Variants in ZNF493 observed in about 807,000 individuals in gnomAD.
The protein encoded by ZNF493 is zinc finger protein 493.
In ZNF493, 11 loss-of-function variants were observed where a neutral mutation model predicts 12.2. The observed-to-expected ratio is 0.90, with a 90% confidence interval of 0.57 to 1.50. The LOEUF is 1.50. ZNF493 is among the 40% of genes most tolerant of loss of function. The probability of loss-of-function intolerance (pLI) is 0.00; values close to 1 mark genes in which losing one functional copy is unlikely to be tolerated. For synonymous variants in ZNF493, 286 were observed against 302.6 expected (o/e 0.95, Z 0.57); for missense variants, 950 against 906.6 (o/e 1.05, Z -0.61).
intron 3 of ZNF493, among the ~76,000 whole-genome samples, chr19:21,410,654 T>G (rs1362655073): frequency 1.3e-5 from 2 of 152,186 alleles, no homozygotes; most frequent in African/African-American, 4.8e-5. Context: ...TCAAGTATAG[T>G]GTAGTTACAT....
At chr19:21,400,811 T>C (rs2029916415) in intron 1 of ZNF493, among the ~76,000 whole-genome samples, 1 of 152,236 alleles carries the variant, frequency 6.6e-6, no homozygotes. Flanking sequence ...TTTAGTATCC[T>C]GAAACTTTGC....
rs558026667 is a variant in ZNF493, at chr19:21,397,629, G to A, written c.30+362G>A. ...TCATGAATGGGAAGAGCTTTGGTCC[G>A]TGGGGTTCCCAGTTGCTATTTTCTC... On this transcript the variant is annotated intron_variant, in intron 1 of 3. Coordinates refer to ENST00000392288, the MANE Select transcript of ZNF493 (RefSeq NM_001076678.3). 3.5e-4 allele frequency: 171 copies of A among 486,084 alleles called. 1 individual carries two copies. In the Middle Eastern group the frequency reaches 4.3e-3, roughly 12 times the overall value. The allele number at this position is 486,084 out of a possible 1,614,324, so 30.1% of individuals were successfully genotyped here. A position where few individuals can be genotyped will look rare whatever the true frequency, so the allele number is the denominator to read the frequency against.
At chr19:21,405,383 T>A in intron 2 of ZNF493, 128 bp downstream of exon 2, 1 of 1,497,052 alleles carries the variant, frequency 6.7e-7, no homozygotes, top group Admixed American at 2.4e-5. Flanking sequence ...TAAAGAAATC[T>A]TGAAGAACTG....
Position 21,416,166 on chromosome 19 carries a change from G to A in ZNF493, c.254-6747G>A, listed in dbSNP as rs568405250. On this transcript the variant is annotated intron_variant, in intron 3 of 3. Coordinates refer to ENST00000392288, the MANE Select transcript of ZNF493 (RefSeq NM_001076678.3). ...TATAGGTTCTGGAGGCTTAACAATG[G>A]CTGCCATCAAAAATGATATCCTAAT... Among the ~76,000 whole-genome samples the A allele has an allele frequency of 4.6e-5, 7 of 152,292 alleles. No individual in the cohort carries two copies. In the East Asian group the frequency reaches 1.4e-3, roughly 29 times the overall value.
At chr19:21,400,097 T>C (rs1468166078) in intron 1 of ZNF493, among the ~76,000 whole-genome samples, 1 of 152,178 alleles carries the variant, frequency 6.6e-6, no homozygotes, top group Admixed American at 6.5e-5. Context: ...ATACTTTTGC[T>C]TTTCTTATTA....
In ZNF493 at chr19:21,425,824, A is replaced by C. The variant is rs907167660; in HGVS notation, c.*840A>C. On this transcript the variant is annotated 3_prime_UTR_variant, in exon 4 of 4. Transcript: ENST00000392288. ...TTTATCCAGTCCTCAACTCCTAGTA[A>C]ACATAATTAATGATGGAGAGAAACC... The C allele has an allele frequency of 1.8e-6, 1 of 561,648 alleles. No individual in the cohort carries two copies. The highest frequency in any genetic ancestry group is 3.5e-6 in the Non-Finnish European group (1 of 287,332). The allele number at this position is 561,648 out of a possible 1,614,324, so 34.8% of individuals were successfully genotyped here. A position where few individuals can be genotyped will look rare whatever the true frequency, so the allele number is the denominator to read the frequency against.
chr19:21,420,499 C>G (rs1172285782), intron 3 of ZNF493, among the ~76,000 whole-genome samples: 1 of 141,134 alleles, frequency 7.1e-6, no homozygotes, highest in African/African-American at 2.6e-5. Flanking sequence ...AAGGCAGTGC[C>G]AATATACTTC....
intron 3 of ZNF493, among the ~76,000 whole-genome samples, chr19:21,420,835 C>G (rs938902399): frequency 1.7e-4 from 26 of 149,546 alleles, no homozygotes; most frequent in African/African-American, 6.4e-4. Context: ...CACTGCAACC[C>G]CTGCCTCCTT....
intron 3 of ZNF493, chr19:21,413,459 T>G: frequency 2.5e-6 from 1 of 404,694 alleles, no homozygotes; most frequent in Non-Finnish European, 4.3e-6. Context: ...TGTCCCACTT[T>G]CTTCAGGTTT....
chr19:21,405,087 A>AAT (rs774827368), intron 1 of ZNF493, 42 bp from the exon 2 acceptor site: 4 of 1,498,110 alleles, frequency 2.7e-6, no homozygotes, highest in African/African-American at 3.0e-5. Flanking sequence ...CCCACGTGTA[A>AAT]ATGTGTGTGT....
chr19:21,398,584 C>G, intron 1 of ZNF493: 1 of 428,994 alleles, frequency 2.3e-6, no homozygotes, highest in African/African-American at 2.1e-5. Context: ...CATTGGATCT[C>G]AGCTTCTGGT....
At position 21,420,655 on chromosome 19, in the gene ZNF493, T is replaced by TTTTTC. The variant is rs766934918; in HGVS notation, c.254-2258_254-2257insTTTTC. Among the ~76,000 whole-genome samples, 61 of 46,484 alleles carry TTTTTC rather than the reference T, an allele frequency of 1.3e-3. 9 individuals carry two copies. The highest frequency in any genetic ancestry group is 2.5e-3 in the East Asian group (3 of 1,208). The allele number at this position is 46,484 out of a possible 152,430, so 30.5% of individuals were successfully genotyped here. A position where few individuals can be genotyped will look rare whatever the true frequency, so the allele number is the denominator to read the frequency against. On this transcript the variant is annotated intron_variant, in intron 3 of 3. Transcript: ENST00000392288. The stretch of plus-strand genomic sequence containing the variant: ...TTTTTTTTTTTTTTTTTTTTTTTTT[T>TTTTTC]CAGAACTTTGACTATATCACACAAT...
intron 3 of ZNF493, among the ~76,000 whole-genome samples, chr19:21,409,077 G>A (rs574807467): frequency 8.6e-5 from 13 of 151,628 alleles, no homozygotes; most frequent in Middle Eastern, 3.4e-3. Context: ...GCAGAGACGG[G>A]GTTTCACCAT....
chr19:21,406,120 G>A (rs2030117795), intron 3 of ZNF493, among the ~76,000 whole-genome samples: 1 of 152,024 alleles, frequency 6.6e-6, no homozygotes, highest in Admixed American at 6.5e-5. Flanking sequence ...TCCTCCGGAG[G>A]CTGAGGCAGG....
intron 3 of ZNF493, chr19:21,414,103 C>T (rs1036952602): frequency 6.6e-6 from 1 of 152,198 alleles, no homozygotes; most frequent in Non-Finnish European, 1.5e-5. Flanking sequence ...TGCCCACCAC[C>T]ACAAAACACT....
At position 21,423,862 on chromosome 19, in the gene ZNF493, A is replaced by G. The variant is rs1380787678; in HGVS notation, c.1203A>G (p.Glu401=). Residue 401 remains glutamate (E), a synonymous_variant, in exon 4 of 4, where the codon GAA becomes GAG. Transcript: ENST00000392288. ...CTAAACATAAGATAATTCACACTGA[A>G]GAGAAATCCCACAGATGTGAAGAAT... ...TLTKHKIIHT[E]EKSHRCEECG... The G allele has an allele frequency of 1.2e-6, 2 of 1,613,458 alleles. No individual in the cohort carries two copies. Among genetic ancestry groups the G allele is most frequent in the East Asian group, 4.5e-5 (2 of 44,812 alleles).
chr19:21,411,487 A>T (rs2030324819), intron 3 of ZNF493, among the ~76,000 whole-genome samples: 1 of 152,156 alleles, frequency 6.6e-6, no homozygotes, highest in African/African-American at 2.4e-5. Context: ...TGGGAGGCTG[A>T]GGCGAGCAGA....
rs2030723936 is a variant in ZNF493 at position 21,422,916 on chromosome 19, T to C, written c.257T>C (p.Ile86Thr). The C allele has an allele frequency of 6.5e-7, 1 of 1,547,250 alleles. No individual in the cohort carries two copies. Among genetic ancestry groups the C allele is most frequent in the East Asian group, 2.3e-5 (1 of 44,342 alleles). ...TTGATATTTTTATTTCTTTCAGTTA[T>C]ATGTTCTCATTTTGCTGAAGACTTT... ...GHSTVVKPPV[I>T]CSHFAEDFCP... The change falls in exon 4 of 4, where the codon ATA becomes ACA. Residue 86 changes from isoleucine (I) to threonine (T), a missense_variant. Ile to Thr is a moderately conservative substitution (Grantham distance 89, BLOSUM62 -1). Transcript: ENST00000392288.
At chr19:21,408,881 C>G in intron 3 of ZNF493, 1 of 595,178 alleles carries the variant, frequency 1.7e-6, no homozygotes, top group Non-Finnish European at 2.1e-6. Flanking sequence ...TTCTTTCTTT[C>G]TTTTTTTTTT....
Sources: allele counts gnomAD v4.1 joint callset (sites outside exome capture counted in the v4.1 genomes callset), GRCh38; gene constraint gnomAD v4.1.1; transcripts MANE v1.5; gene names NCBI Gene and HGNC (gene_info 2026-07-23, HGNC 2026-07-21).